The following PAQR5 variants were observed in gnomAD, a reference collection of about 807,000 sequenced individuals.
PAQR5 encodes the protein membrane progestin receptor gamma.
Under a neutral mutation model 34.5 loss-of-function variants are expected in PAQR5, and 20 were observed. The observed-to-expected ratio is 0.58, with a 90% CI of 0.41 to 0.84. PAQR5 has a LOEUF of 0.84. PAQR5 is among the 40% of genes least tolerant of loss of function. The pLI, the probability that PAQR5 is intolerant of heterozygous loss-of-function variation, is 0.00. For synonymous variants in PAQR5, 131 were observed against 155.6 expected (o/e 0.84, Z 1.18); for missense variants, 378 against 412.7 (o/e 0.92, Z 0.73).
At chr15:69,383,156 G>A (rs566742831) in intron 4 of PAQR5, among the ~76,000 whole-genome samples, 3 of 152,278 alleles carry the variant, frequency 2.0e-5, no homozygotes, top group African/African-American at 7.2e-5. Context: ...GTGAGAACAC[G>A]AAGGAATTAG....
chr15:69,325,821 C>T (rs1302762775), intron 1 of PAQR5, among the ~76,000 whole-genome samples: 3 of 152,164 alleles, frequency 2.0e-5, no homozygotes, highest in African/African-American at 4.8e-5. Flanking sequence ...GCAGTTTCTA[C>T]GCACAGCCAT....
intron 3 of PAQR5, among the ~76,000 whole-genome samples, chr15:69,369,029 C>A (rs191414590): frequency 3.9e-3 from 596 of 152,294 alleles, no homozygotes; most frequent in Middle Eastern, 6.8e-3. Flanking sequence ...ACCACGGCCC[C>A]CAAAGTTTTG....
At position 69,384,832 on chromosome 15, in the gene PAQR5, G is replaced by C; in HGVS notation, c.335G>C (p.Arg112Pro). ...HTFSSMSKNA[R>P]HICYFLDYGA... ...TTCAGCTCTATGTCCAAGAATGCCCGGCACATTTGCTACTTCCTGGACTAT... is the reference window on the plus strand; with the variant it reads ...TTCAGCTCTATGTCCAAGAATGCCCCGCACATTTGCTACTTCCTGGACTAT... The change falls in exon 5 of 9, where the codon CGG becomes CCG. Residue 112 changes from arginine to proline, a missense_variant. Arg to Pro is a moderately radical substitution (Grantham distance 103). Coordinates refer to ENST00000395407, the MANE Select transcript of PAQR5 (RefSeq NM_017705.4). The C allele has an allele frequency of 6.2e-7, 1 of 1,614,132 alleles. No individual in the cohort carries two copies. Among genetic ancestry groups the C allele is most frequent in the Non-Finnish European group, 8.5e-7 (1 of 1,180,000 alleles).
At chr15:69,316,180 A>C (rs945181848) in intron 1 of PAQR5, among the ~76,000 whole-genome samples, 1 of 152,062 alleles carries the variant, frequency 6.6e-6, no homozygotes, top group African/African-American at 2.4e-5. Context: ...TCCTGGGTTC[A>C]AGTGATTCTC....
At position 69,385,782 on chromosome 15, in the gene PAQR5, T is replaced by G. The variant is rs1450100937; in HGVS notation, c.385+900T>G. Among the ~76,000 whole-genome samples, 1 of 151,660 alleles carries G rather than the reference T, an allele frequency of 6.6e-6. No individual in the cohort carries two copies. The highest frequency in any genetic ancestry group is 1.5e-5 in the Non-Finnish European group (1 of 67,872). ...CACACACTCATGCACTGACACACAC[T>G]GACACACACACATACAATGCACTCA... is the stretch of plus-strand genomic sequence containing the variant. On this transcript the variant is annotated intron_variant, in intron 5 of 8. Transcript: ENST00000395407. This position sits in a 1 kb window ranked among gnomAD's most constrained non-coding sequence, Gnocchi z 4.7.
intron 2 of PAQR5, among the ~76,000 whole-genome samples, chr15:69,350,932 A>G (rs771586095): frequency 1.3e-5 from 2 of 152,238 alleles, no homozygotes; most frequent in Admixed American, 6.5e-5. Context: ...ATGGACTGCT[A>G]GACACCGGCT....
chr15:69,381,929 C>G (rs777872481), intron 4 of PAQR5, among the ~76,000 whole-genome samples: 11 of 152,170 alleles, frequency 7.2e-5, no homozygotes, highest in Non-Finnish European at 1.0e-4. Flanking sequence ...GGAGCCAGCT[C>G]TCTAGGAGTG....
chr15:69,309,159 C>T (rs2053778425), intron 1 of PAQR5, among the ~76,000 whole-genome samples: 1 of 152,058 alleles, frequency 6.6e-6, no homozygotes, highest in African/African-American at 2.4e-5. Context: ...GATGGGACAG[C>T]CCCGGGAGAG....
chr15:69,397,149 AG>A (rs1183523768), intron 6 of PAQR5: 1 of 502,084 alleles, frequency 2.0e-6, no homozygotes, highest in East Asian at 5.6e-5. Flanking sequence ...GAGTTTTAAA[AG>A]GTTCTTTGGC....
intron 1 of PAQR5, among the ~76,000 whole-genome samples, chr15:69,332,531 C>G (rs2054405941): frequency 6.6e-6 from 1 of 152,140 alleles, no homozygotes; most frequent in South Asian, 2.1e-4. Flanking sequence ...TAGGCTCCTT[C>G]TGGGGAGAGG....
At chr15:69,353,577 A>G (rs973924898) in intron 2 of PAQR5, among the ~76,000 whole-genome samples, 2 of 152,208 alleles carry the variant, frequency 1.3e-5, no homozygotes, top group East Asian at 3.9e-4. Flanking sequence ...GCTAGGTGGC[A>G]ATACCTTGCA....
At chr15:69,381,827 A>G (rs1405344465) in intron 4 of PAQR5, among the ~76,000 whole-genome samples, 1 of 152,238 alleles carries the variant, frequency 6.6e-6, no homozygotes, top group Non-Finnish European at 1.5e-5. Context: ...AAAGTCCACA[A>G]GTGTAGCTGG....
At chr15:69,311,438 T>G (rs2053832285) in intron 1 of PAQR5, among the ~76,000 whole-genome samples, 1 of 152,120 alleles carries the variant, frequency 6.6e-6, no homozygotes, top group South Asian at 2.1e-4. Flanking sequence ...TGCTTAGATT[T>G]TGTATTTGTT....
intron 2 of PAQR5, among the ~76,000 whole-genome samples, chr15:69,344,355 C>T (rs1267183711): frequency 1.3e-5 from 2 of 152,176 alleles, no homozygotes; most frequent in Middle Eastern, 3.2e-3. Context: ...CTCACTAATT[C>T]GCATATCTCT....
rs776508450 is a variant in PAQR5, at chr15:69,403,854, A to G, written c.*32A>G. 1.2e-6 allele frequency: 2 copies of G among 1,606,424 alleles called. No individual in the cohort carries two copies. The highest frequency in any genetic ancestry group is 1.7e-6 in the Non-Finnish European group (2 of 1,177,044). ...CCATAAGCTTTTCATGCCAGATGTC[A>G]ACATTAAGCTGCAACATCCTAACCA... On this transcript the variant is annotated 3_prime_UTR_variant, in exon 9 of 9. Transcript: ENST00000395407.
At chr15:69,336,630 G>A (rs1021934479) in intron 1 of PAQR5, among the ~76,000 whole-genome samples, 1 of 152,010 alleles carries the variant, frequency 6.6e-6, no homozygotes, top group Non-Finnish European at 1.5e-5. Context: ...CCTAAAAGTT[G>A]GTTTTATAAT....
chr15:69,329,453 T>A (rs1055145962), intron 1 of PAQR5, among the ~76,000 whole-genome samples: 2 of 150,590 alleles, frequency 1.3e-5, no homozygotes, highest in African/African-American at 4.9e-5. Flanking sequence ...CCTAAATTTA[T>A]TTTTTCTTTC....
Position 69,384,857 on chromosome 15 carries a change from T to C in PAQR5, c.360T>C (p.Tyr120=), listed in dbSNP as rs752604181. 6.2e-7 allele frequency: 1 copy of C among 1,614,062 alleles called. No homozygotes were observed. Among genetic ancestry groups the C allele is most frequent in the Non-Finnish European group, 8.5e-7 (1 of 1,179,968 alleles). ...GGCACATTTGCTACTTCCTGGACTATGGTGCCGTCAACCTCTTCAGCCTGG... is the reference window on the plus strand; with the variant it reads ...GGCACATTTGCTACTTCCTGGACTACGGTGCCGTCAACCTCTTCAGCCTGG... ...NARHICYFLD[Y]GAVNLFSLGS... is the part of the protein sequence containing the mutation. The change falls in exon 5 of 9, where the codon TAT becomes TAC. Residue 120 remains tyrosine, a synonymous_variant. Transcript: ENST00000395407.
intron 3 of PAQR5, among the ~76,000 whole-genome samples, chr15:69,368,187 G>GT (rs2055454079): frequency 7.2e-4 from 1 of 1,390 alleles, no homozygotes; most frequent in South Asian, 0.5. Flanking sequence ...CTATATAGCT[G>GT]GATTACGGGC....
Sources: allele counts gnomAD v4.1 joint callset (sites outside exome capture counted in the v4.1 genomes callset), GRCh38; gene constraint gnomAD v4.1.1; non-coding constraint Gnocchi (gnomAD v3.1); transcripts MANE v1.5; gene names NCBI Gene and HGNC (gene_info 2026-07-23, HGNC 2026-07-21).